The following SOX5 variants were observed in gnomAD, a reference collection of about 807,000 sequenced individuals.
The protein encoded by SOX5 is SRY-box transcription factor 5, also known as transcription factor SOX-5.
In SOX5, 9 loss-of-function variants were observed where a neutral mutation model predicts 92.0. The ratio of observed to expected loss-of-function variants is 0.10; its 90% confidence interval spans 0.06 to 0.17. SOX5 has a LOEUF of 0.17. SOX5 is among the 10% of genes least tolerant of loss of function. SOX5 has a pLI of 1.00. For synonymous variants in SOX5, 344 were observed against 336.3 expected, an observed-to-expected ratio of 1.02 and a Z score of -0.25; for missense variants, 642 against 944.5, an observed-to-expected ratio of 0.68 and a Z score of 4.20.
intron 1 of SOX5, among the ~76,000 whole-genome samples, chr12:24,451,903 TC>T (rs1185387268): frequency 6.6e-6 from 1 of 152,218 alleles, no homozygotes; most frequent in Non-Finnish European, 1.5e-5. Flanking sequence ...TTTGTATTAT[TC>T]TTTTACCTCA....
intron 1 of SOX5, among the ~76,000 whole-genome samples, chr12:24,556,308 A>C (rs943795971): frequency 6.6e-6 from 1 of 152,202 alleles, no homozygotes; most frequent in African/African-American, 2.4e-5. Flanking sequence ...AGTTGTACTG[A>C]TAGACAAATT....
At chr12:23,894,137 G>A (rs776731898) in intron 2 of SOX5, among the ~76,000 whole-genome samples, 7 of 152,068 alleles carry the variant, frequency 4.6e-5, no homozygotes, top group Non-Finnish European at 8.8e-5. Flanking sequence ...CTGAATTACT[G>A]TGAAGGTTAA....
chr12:23,933,399 C>T (rs929024998), intron 1 of SOX5, among the ~76,000 whole-genome samples: 5 of 151,564 alleles, frequency 3.3e-5, no homozygotes, highest in African/African-American at 4.8e-5. Flanking sequence ...TGCAGATAAG[C>T]GGGACCTACT....
At chr12:24,487,246 T>C (rs545457845) in intron 1 of SOX5, among the ~76,000 whole-genome samples, 2 of 152,336 alleles carry the variant, frequency 1.3e-5, no homozygotes, top group African/African-American at 4.8e-5. Flanking sequence ...ATCTGTGAAT[T>C]AGTCTTTGAA....
chr12:23,549,663 A>C (rs1215197252), intron 11 of SOX5, among the ~76,000 whole-genome samples: 1 of 151,994 alleles, frequency 6.6e-6, no homozygotes, highest in Admixed American at 6.6e-5. Context: ...AACATGTAAA[A>C]GTCCTGGGGT....
At chr12:24,305,007 C>T (rs1470893979) in intron 2 of SOX5, among the ~76,000 whole-genome samples, 1 of 152,126 alleles carries the variant, frequency 6.6e-6, no homozygotes, top group Non-Finnish European at 1.5e-5. Context: ...ATGCCTTGGT[C>T]CTGAAGAAGA....
At chr12:24,543,177 T>C (rs1357989936) in intron 1 of SOX5, among the ~76,000 whole-genome samples, 1 of 152,230 alleles carries the variant, frequency 6.6e-6, no homozygotes, top group Non-Finnish European at 1.5e-5. Flanking sequence ...AGCATCTCTC[T>C]AGTCTATTGG....
At position 24,436,671 on chromosome 12, in the gene SOX5, C is replaced by T. The variant is rs118138049; in HGVS notation, c.-250-68032G>A. 5.2e-3 allele frequency among the ~76,000 whole-genome samples: 791 copies of T among 152,130 alleles called. 2 individuals carry two copies. Among genetic ancestry groups the T allele is most frequent in the Non-Finnish European group, 8.7e-3 (591 of 67,990 alleles). ...AAGATCTAGCTGAGATGACTGATGA[C>T]GGGGGCTACACTACAGAACACATTT... is the stretch of plus-strand genomic sequence containing the variant. On this transcript the variant is annotated intron_variant, in intron 1 of 4. Coordinates refer to the SOX5 transcript ENST00000446891.
At chr12:24,102,872 C>G (rs1436130488) in intron 4 of SOX5, among the ~76,000 whole-genome samples, 1 of 152,140 alleles carries the variant, frequency 6.6e-6, no homozygotes, top group Non-Finnish European at 1.5e-5. Flanking sequence ...TTGTTCCAAG[C>G]TATTAACCTA....
chr12:24,315,943 A>G (rs981201775), intron 2 of SOX5, among the ~76,000 whole-genome samples: 5 of 152,078 alleles, frequency 3.3e-5, no homozygotes, highest in African/African-American at 1.2e-4. Context: ...TCTTTTTTGA[A>G]CCTTCCTTCA....
At chr12:24,031,949 T>A (rs537696763) in intron 4 of SOX5, among the ~76,000 whole-genome samples, 1 of 151,878 alleles carries the variant, frequency 6.6e-6, no homozygotes, top group African/African-American at 2.4e-5. Flanking sequence ...GCCAAATAGA[T>A]GTTTTACAAG....
At chr12:24,344,400 G>T (rs776581064) in intron 2 of SOX5, among the ~76,000 whole-genome samples, 1 of 151,638 alleles carries the variant, frequency 6.6e-6, no homozygotes, top group African/African-American at 2.4e-5. Context: ...GCCAGTTTGC[G>T]ATTTGGTATC....
chr12:24,352,004 G>C (rs1027011430), intron 2 of SOX5, among the ~76,000 whole-genome samples: 39 of 152,176 alleles, frequency 2.6e-4, no homozygotes, highest in African/African-American at 9.4e-4. Flanking sequence ...GAAAGCTGCT[G>C]GCTCAGAGGA....
chr12:23,851,399 T>A (rs1419703126), intron 2 of SOX5, among the ~76,000 whole-genome samples: 1 of 152,096 alleles, frequency 6.6e-6, no homozygotes, highest in African/African-American at 2.4e-5. Flanking sequence ...AAAAATGAGA[T>A]GTAAATATAA....
chr12:24,511,827 G>A (rs557726510), intron 1 of SOX5, among the ~76,000 whole-genome samples: 27 of 151,878 alleles, frequency 1.8e-4, no homozygotes, highest in South Asian at 1.0e-3. Context: ...GCGTGGTGGC[G>A]GGTGCCTGTA....
intron 3 of SOX5, among the ~76,000 whole-genome samples, chr12:24,250,281 C>A (rs1939769088): frequency 6.6e-6 from 1 of 152,178 alleles, no homozygotes; most frequent in African/African-American, 2.4e-5. Flanking sequence ...ATTCACCTAG[C>A]ACATTTTATA....
chr12:23,633,536 A>G (rs1173720291), intron 8 of SOX5, among the ~76,000 whole-genome samples: 1 of 152,072 alleles, frequency 6.6e-6, no homozygotes, highest in African/African-American at 2.4e-5. Context: ...AAGAGTCAGC[A>G]TCAGTATAAT....
chr12:23,958,478 T>TA (rs1354307786), intron 4 of SOX5, among the ~76,000 whole-genome samples: 1 of 152,042 alleles, frequency 6.6e-6, no homozygotes, highest in Non-Finnish European at 1.5e-5. Context: ...TAGAAATCAA[T>TA]AATTTTCACA....
At position 24,366,679 on chromosome 12, in the gene SOX5, A is replaced by T. The variant is rs78030259; in HGVS notation, c.-174+1884T>A. 5.9e-5 allele frequency among the ~76,000 whole-genome samples: 9 copies of T among 152,230 alleles called. No homozygotes were observed. In the East Asian group the frequency reaches 1.7e-3, roughly 29 times the overall value. ...CATAGCTGACTCCTTCTTCAGTGTAACTATTACTGGCTTTCTTTGACCTTT... is the reference window on the plus strand; with the variant it reads ...CATAGCTGACTCCTTCTTCAGTGTATCTATTACTGGCTTTCTTTGACCTTT... On this transcript the variant is annotated intron_variant, in intron 2 of 4. Coordinates refer to the SOX5 transcript ENST00000446891.
Sources: allele counts gnomAD v4.1 joint callset (sites outside exome capture counted in the v4.1 genomes callset), GRCh38; gene constraint gnomAD v4.1.1; transcripts MANE v1.5; gene names NCBI Gene and HGNC (gene_info 2026-07-23, HGNC 2026-07-21).